The following PHACTR1 variants were observed in gnomAD, a reference collection of about 807,000 sequenced individuals.
PHACTR1 encodes the protein RPEL repeat containing 1.
PHACTR1 carries 16 observed loss-of-function variants against 69.2 expected under a neutral mutation model. That is an observed-to-expected ratio of 0.23 (90% CI 0.16 to 0.35). The LOEUF (loss-of-function observed/expected upper bound fraction) is 0.35. Ranked by LOEUF, PHACTR1 falls within the 10% of genes least tolerant of loss-of-function variation. The pLI is 1.00. For synonymous variants in PHACTR1, 312 were observed against 284.5 expected (o/e 1.10, Z -0.97); for missense variants, 510 against 734.7 (o/e 0.69, Z 3.54).
chr6:13,104,121 G>C (rs1815664316), intron 5 of PHACTR1, among the ~76,000 whole-genome samples: 1 of 152,032 alleles, frequency 6.6e-6, no homozygotes, highest in African/African-American at 2.4e-5. Flanking sequence ...TTTTCGAAAA[G>C]AATTTCACCT....
chr6:13,253,660 C>A (rs1774798514), intron 10 of PHACTR1, among the ~76,000 whole-genome samples: 1 of 152,224 alleles, frequency 6.6e-6, no homozygotes, highest in Admixed American at 6.5e-5. Context: ...CCACCACCAT[C>A]TGAATCTCAG....
intron 4 of PHACTR1, among the ~76,000 whole-genome samples, chr6:12,821,378 G>C (rs1776178381): frequency 6.7e-6 from 1 of 149,556 alleles, no homozygotes; most frequent in African/African-American, 2.5e-5. Flanking sequence ...CAGGAGAATT[G>C]CTTGAACCTG....
chr6:13,053,267 G>A (rs1217189815), intron 4 of PHACTR1, 98 bp from the exon 5 acceptor site: 3 of 1,263,724 alleles, frequency 2.4e-6, no homozygotes, highest in African/African-American at 1.5e-5. Context: ...CGTGGTTTCT[G>A]TTATCTGTAA....
chr6:12,801,947 C>T (rs868841540), intron 4 of PHACTR1, among the ~76,000 whole-genome samples: 4 of 151,782 alleles, frequency 2.6e-5, no homozygotes, highest in Admixed American at 1.3e-4. Flanking sequence ...TTTTGATGAC[C>T]TTGTTTACCA....
chr6:12,968,865 G>T (rs1434665320), intron 4 of PHACTR1, among the ~76,000 whole-genome samples: 1 of 152,108 alleles, frequency 6.6e-6, no homozygotes, highest in Non-Finnish European at 1.5e-5. Context: ...TAGTAAAAAT[G>T]TATAGAATCT....
intron 4 of PHACTR1, among the ~76,000 whole-genome samples, chr6:13,034,949 T>C (rs1281357628): frequency 6.6e-6 from 1 of 152,208 alleles, no homozygotes; most frequent in Non-Finnish European, 1.5e-5. Flanking sequence ...TATGAAAATA[T>C]TGACTTCATG....
At chr6:12,992,544 T>C (rs1209629579) in intron 4 of PHACTR1, among the ~76,000 whole-genome samples, 1 of 152,226 alleles carries the variant, frequency 6.6e-6, no homozygotes, top group Non-Finnish European at 1.5e-5. Context: ...TTGGACACCA[T>C]GTTGCAAGTG....
At chr6:13,155,582 G>C (rs143246197) in intron 5 of PHACTR1, among the ~76,000 whole-genome samples, 14 of 152,240 alleles carry the variant, frequency 9.2e-5, no homozygotes, top group Admixed American at 9.2e-4. Flanking sequence ...CTTGTTAAGA[G>C]AGATGGTAAG....
chr6:12,860,417 T>G (rs1780823089), intron 4 of PHACTR1, among the ~76,000 whole-genome samples: 1 of 152,190 alleles, frequency 6.6e-6, no homozygotes, highest in Admixed American at 6.5e-5. Flanking sequence ...TTAGGTTGGT[T>G]CCAAGTCTTT....
chr6:13,026,792 C>T (rs1179069225), intron 4 of PHACTR1, among the ~76,000 whole-genome samples: 1 of 152,066 alleles, frequency 6.6e-6, no homozygotes, highest in Non-Finnish European at 1.5e-5. Flanking sequence ...TCACCCCGTG[C>T]CCAGCCAAAC....
At chr6:12,850,886 T>A (rs1360103334) in intron 4 of PHACTR1, among the ~76,000 whole-genome samples, 2 of 152,182 alleles carry the variant, frequency 1.3e-5, no homozygotes, top group Non-Finnish European at 2.9e-5. Flanking sequence ...CTTCATGACC[T>A]CAACTTAACT....
At chr6:12,792,687 A>T (rs1772476356) in intron 4 of PHACTR1, among the ~76,000 whole-genome samples, 1 of 152,000 alleles carries the variant, frequency 6.6e-6, no homozygotes, top group South Asian at 2.1e-4. Context: ...TTTTGTTCAA[A>T]ATCCTGAAAA....
rs1421136381 is a variant in PHACTR1 at position 12,850,852 on chromosome 6, CAA to C, written c.250+101063_250+101064del. ...TCTTCTTCTCTCCTTATAAGAACAC[CAA>C]TTGTATTGGATCAGGTCCCACCTTC... On this transcript the variant is annotated intron_variant, in intron 4 of 14. Coordinates refer to ENST00000332995, the MANE Select transcript of PHACTR1 (RefSeq NM_030948.6). Among the ~76,000 whole-genome samples, 528 of 152,238 alleles carry C rather than the reference CAA, an allele frequency of 3.5e-3. 3 individuals carry two copies. Among genetic ancestry groups the C allele is most frequent in the African/African-American group, 0.011 (469 of 41,532 alleles).
intron 5 of PHACTR1, among the ~76,000 whole-genome samples, chr6:13,083,662 TC>T (rs1561805653): frequency 6.6e-6 from 1 of 152,208 alleles, no homozygotes; most frequent in Admixed American, 6.5e-5. Flanking sequence ...GTCCTTTACA[TC>T]CCTTGTAAGT....
intron 4 of PHACTR1, among the ~76,000 whole-genome samples, chr6:12,753,811 A>C (rs1197545084): frequency 6.6e-6 from 1 of 151,972 alleles, no homozygotes; most frequent in South Asian, 2.1e-4. Flanking sequence ...GAAGTTATAA[A>C]CTAGGTCCCA....
chr6:13,020,967 G>T (rs779922363), intron 4 of PHACTR1, among the ~76,000 whole-genome samples: 3 of 152,128 alleles, frequency 2.0e-5, no homozygotes, highest in Admixed American at 6.5e-5. Context: ...ATGACGGGTT[G>T]TAGTATTTCC....
At chr6:13,199,451 C>T (rs1486781516) in intron 7 of PHACTR1, among the ~76,000 whole-genome samples, 2 of 149,102 alleles carry the variant, frequency 1.3e-5, no homozygotes, top group African/African-American at 5.0e-5. Flanking sequence ...GCAGTAGAAG[C>T]CTGATCTACC....
Position 13,182,016 on chromosome 6 carries a change from C to G in PHACTR1, c.497-503C>G, listed in dbSNP as rs532440664. 2.0e-5 allele frequency among the ~76,000 whole-genome samples: 3 copies of G among 152,294 alleles called. No homozygotes were observed. The South Asian group carries it at 6.2e-4, about 32-fold the overall frequency. On this transcript the variant is annotated intron_variant, in intron 6 of 14. Transcript: ENST00000332995. Reference sequence around the variant, plus strand: ...TGGGAGGCCCAGGTGGGCGGATCACCTGAGGTTGGGAGTTTGAGACCAGCC... The same window carrying G: ...TGGGAGGCCCAGGTGGGCGGATCACGTGAGGTTGGGAGTTTGAGACCAGCC...
At chr6:12,824,763 A>G (rs567301185) in intron 4 of PHACTR1, among the ~76,000 whole-genome samples, 24 of 152,232 alleles carry the variant, frequency 1.6e-4, no homozygotes, top group African/African-American at 5.1e-4. Context: ...TATTTCAGGA[A>G]ATTAACTTTA....
Sources: allele counts gnomAD v4.1 joint callset (sites outside exome capture counted in the v4.1 genomes callset), GRCh38; gene constraint gnomAD v4.1.1; transcripts MANE v1.5; gene names NCBI Gene and HGNC (gene_info 2026-07-23, HGNC 2026-07-21).